The following DOP1B variants were observed in gnomAD, a reference collection of about 807,000 sequenced individuals.
DOP1B encodes DOP1 leucine zipper like protein B.
DOP1B carries 174 observed loss-of-function variants against 233.5 expected under a neutral mutation model. The ratio of observed to expected loss-of-function variants is 0.75; its 90% CI spans 0.66 to 0.85. The LOEUF (loss-of-function observed/expected upper bound fraction) is 0.85, where lower values mean the gene tolerates loss of function less well. Ranked by LOEUF, DOP1B falls within the 40% of genes least tolerant of loss-of-function variation. DOP1B has a pLI of 0.00. For missense variants in DOP1B, 2,652 were observed against 2,846.6 expected (o/e 0.93, Z 1.56); for synonymous variants, 1,190 against 1,185.6 (o/e 1.00, Z -0.08).
At chr21:36,280,462 A>G in intron 31 of DOP1B, 116 bp downstream of exon 31, 2 of 654,894 alleles carry the variant, frequency 3.1e-6, no homozygotes, top group Non-Finnish European at 5.2e-6. Flanking sequence ...TGTCTACGCC[A>G]CAAAGACTGT....
At chr21:36,281,758 G>C in intron 32 of DOP1B, 147 bp downstream of exon 32, 1 of 688,972 alleles carries the variant, frequency 1.5e-6, no homozygotes, top group Non-Finnish European at 2.2e-6. Flanking sequence ...GGGCCTTCTT[G>C]CTGCAACATC....
chr21:36,204,203 C>G (rs939549887), intron 4 of DOP1B, among the ~76,000 whole-genome samples: 1 of 152,186 alleles, frequency 6.6e-6, no homozygotes, highest in Non-Finnish European at 1.5e-5. Context: ...TTTTACAATG[C>G]ACACAGGTGC....
At chr21:36,215,219 C>T (rs1448366850) in intron 9 of DOP1B, among the ~76,000 whole-genome samples, 1 of 152,028 alleles carries the variant, frequency 6.6e-6, no homozygotes, top group Admixed American at 6.6e-5. Flanking sequence ...CATCTTTTTG[C>T]CTTGGGATCC....
At chr21:36,178,240 C>T (rs1287230984) in intron 2 of DOP1B, among the ~76,000 whole-genome samples, 2 of 152,144 alleles carry the variant, frequency 1.3e-5, no homozygotes, top group African/African-American at 4.8e-5. Flanking sequence ...CTTGTACTCT[C>T]AGGACTTTGG....
At position 36,239,947 on chromosome 21, in the gene DOP1B, A is replaced by G. The variant is rs764830861; in HGVS notation, c.3059A>G (p.Asn1020Ser). ...TCCATCCACTGCCTCAAGCAGGAGA[A>G]CTCGGCCGGTGAGCAGCCTGCACAG... is the stretch of plus-strand genomic sequence containing the variant. ...RTSIHCLKQENSADDLHRWFN... is the reference protein window; with the variant it reads ...RTSIHCLKQESSADDLHRWFN... The change falls in exon 18 of 37, where the codon AAC (asparagine) becomes AGC (serine). Residue 1020 changes from asparagine (N) to serine (S), a missense_variant. Around this residue, in one of 3 missense-constraint regions of DOP1B, gnomAD observed 2,617 missense variants for 2,794.3 expected, o/e 0.94. Coordinates refer to ENST00000691173, the MANE Select transcript of DOP1B (RefSeq NM_001320714.2). 57 of 1,609,142 alleles carry G rather than the reference A, an allele frequency of 3.5e-5. No homozygotes were observed. Among genetic ancestry groups the G allele is most frequent in the Non-Finnish European group, 4.8e-5 (57 of 1,178,900 alleles).
At chr21:36,226,150 C>T (rs1040945145) in intron 12 of DOP1B, among the ~76,000 whole-genome samples, 14 of 152,154 alleles carry the variant, frequency 9.2e-5, no homozygotes, top group South Asian at 2.1e-4. Context: ...CTGTGGTATG[C>T]GCTCGTAATT....
At chr21:36,251,386 A>G (rs918356553) in intron 22 of DOP1B, 102 bp downstream of exon 22, 48 of 1,432,600 alleles carry the variant, frequency 3.4e-5, no homozygotes, top group Non-Finnish European at 4.3e-5. Context: ...AGCATGGGAA[A>G]CTATTGAGTT....
chr21:36,219,484 G>A lies in DOP1B; in HGVS notation c.1242G>A (p.Ser414=), dbSNP rs1175258075. The A allele has an allele frequency of 4.3e-6, 7 of 1,613,994 alleles. No individual in the cohort carries two copies. Among genetic ancestry groups the A allele is most frequent in the South Asian group, 2.2e-5 (2 of 91,088 alleles). The change falls in exon 10 of 37, where the codon TCG becomes TCA. Residue 414 remains serine, a synonymous_variant. Coordinates refer to ENST00000691173, the MANE Select transcript of DOP1B (RefSeq NM_001320714.2). ...TTAGCTACACCCAGAGTGGAAATTC[G>A]CTGATAAGGTATGGGTTTGGCCTTG... The part of the protein sequence containing the change: ...LKLSYTQSGN[S]LISAIKENRN...
chr21:36,222,745 T>C (rs749477704), intron 10 of DOP1B, among the ~76,000 whole-genome samples: 2 of 152,044 alleles, frequency 1.3e-5, no homozygotes, highest in Non-Finnish European at 2.9e-5. Flanking sequence ...ATTTTTATTT[T>C]TATTTTTTGA....
chr21:36,255,099 G>C (rs150924485), intron 23 of DOP1B, among the ~76,000 whole-genome samples: 2 of 151,334 alleles, frequency 1.3e-5, no homozygotes, highest in Non-Finnish European at 2.9e-5. Context: ...ACAGGTGCAT[G>C]CTATCACTCC....
rs748940406 is a variant in DOP1B, at chr21:36,245,194, G to T, written c.3214G>T (p.Glu1072Ter). The part of the protein sequence containing the change: ...VDREAIWAEV[E>*]KEPEKYPLRG... ...CCGTGAAGCCATTTGGGCCGAAGTG[G>T]AGAAGGAGCCCGAGAAGTACCCGCT... Residue 1072 changes from glutamate (E) to a stop codon, truncating the protein, a stop_gained, in exon 19 of 37, where the codon GAG becomes TAG. Transcript: ENST00000691173. LOFTEE classifies it high-confidence loss of function. This position sits in a 1 kb window ranked among gnomAD's most constrained non-coding sequence, Gnocchi z 5.5. 1 of 1,614,084 alleles carries T rather than the reference G, an allele frequency of 6.2e-7. No homozygotes were observed. The highest frequency in any genetic ancestry group is 8.5e-7 in the Non-Finnish European group (1 of 1,180,042).
At position 36,260,891 on chromosome 21, in the gene DOP1B, A is replaced by T. The variant is rs145175207; in HGVS notation, c.5315+159A>T. 1,044 of 1,449,782 alleles carry T rather than the reference A, an allele frequency of 7.2e-4. 8 individuals are homozygous for T. The African/African-American group carries it at 0.011, about 16-fold the overall frequency. 89.8% of individuals were successfully genotyped at this position (1,449,782 alleles called of 1,614,324 possible). Reference sequence around the variant, plus strand: ...TAATTTCTTCCCAAGGTATTGATCTATGCTTTTCCTTCTCCAGAGAGTTAA... The same window carrying T: ...TAATTTCTTCCCAAGGTATTGATCTTTGCTTTTCCTTCTCCAGAGAGTTAA... On this transcript the variant is annotated intron_variant, in intron 24 of 36. Coordinates refer to ENST00000691173, the MANE Select transcript of DOP1B (RefSeq NM_001320714.2).
At chr21:36,264,510 A>G (rs2067211309) in intron 26 of DOP1B, among the ~76,000 whole-genome samples, 1 of 149,772 alleles carries the variant, frequency 6.7e-6, no homozygotes, top group Non-Finnish European at 1.5e-5. Flanking sequence ...ATCTCACTCC[A>G]TCACCCAGGC....
chr21:36,177,302 CTG>C (rs1308422144), intron 2 of DOP1B, among the ~76,000 whole-genome samples: 1 of 152,188 alleles, frequency 6.6e-6, no homozygotes, highest in African/African-American at 2.4e-5. Flanking sequence ...GCCACTCACA[CTG>C]TAAGATCGAG....
At position 36,238,792 on chromosome 21, in the gene DOP1B, A is replaced by G. The variant is rs1389714850; in HGVS notation, c.2876+91A>G. 7 of 1,274,322 alleles carry G rather than the reference A, an allele frequency of 5.5e-6. No homozygotes were observed. In the Admixed American group the frequency reaches 7.3e-5, roughly 13 times the overall value. The allele number at this position is 1,274,322 out of a possible 1,614,324, so 78.9% of individuals were successfully genotyped here. On this transcript the variant is annotated intron_variant, in intron 17 of 36. Coordinates refer to ENST00000691173, the MANE Select transcript of DOP1B (RefSeq NM_001320714.2). The stretch of plus-strand genomic sequence containing the variant: ...ACGTGTGGGGCTGGGGAGGGAGAGG[A>G]GCGTGCAGTTGAAAACATGAACCCA...
intron 2 of DOP1B, among the ~76,000 whole-genome samples, chr21:36,176,047 G>T (rs1480398107): frequency 6.7e-6 from 1 of 150,142 alleles, no homozygotes; most frequent in Non-Finnish European, 1.5e-5. Context: ...CTTTAGTCTT[G>T]TTCTTGATCC....
At chr21:36,211,825 T>C in intron 6 of DOP1B, 149 bp from the exon 7 acceptor site, 2 of 1,333,084 alleles carry the variant, frequency 1.5e-6, no homozygotes, top group African/African-American at 2.9e-5. Context: ...ATTGCACGTA[T>C]TGAATAGCTT....
chr21:36,245,871 G>T lies in DOP1B; in HGVS notation c.3891G>T (p.Lys1297Asn), dbSNP rs1302461691. ...TCATTGGCCAGAGTTTCTACGGAAA[G>T]CTCCAGACCCAGGTCCCCAACGTGT... ...EALIGQSFYG[K>N]LQTQVPNVCP... The change falls in exon 19 of 37, where the codon AAG (lysine) becomes AAT (asparagine). Residue 1297 changes from lysine to asparagine, a missense_variant. By Grantham distance (94) the Lys-to-Asn change is moderately conservative (BLOSUM62 0). Coordinates refer to ENST00000691173, the MANE Select transcript of DOP1B (RefSeq NM_001320714.2). The surrounding 1 kb of genome is among the most constrained non-coding windows in gnomAD (Gnocchi z 5.5). 4 of 1,613,612 alleles carry T rather than the reference G, an allele frequency of 2.5e-6. No individual in the cohort carries two copies. The highest frequency in any genetic ancestry group is 3.4e-6 in the Non-Finnish European group (4 of 1,180,012).
intron 4 of DOP1B, among the ~76,000 whole-genome samples, chr21:36,203,122 T>G (rs1004191055): frequency 1.3e-5 from 2 of 152,272 alleles, no homozygotes; most frequent in East Asian, 3.8e-4. Context: ...GTTGCTAAAG[T>G]TGCTTAACAT....
Sources: allele counts gnomAD v4.1 joint callset (sites outside exome capture counted in the v4.1 genomes callset), GRCh38; gene constraint gnomAD v4.1.1; regional missense constraint gnomAD v4.1.1; non-coding constraint Gnocchi (gnomAD v3.1); transcripts MANE v1.5; gene names NCBI Gene and HGNC (gene_info 2026-07-23, HGNC 2026-07-21).